Variants in CA10 observed in about 807,000 individuals in gnomAD.
CA10 encodes the protein carbonic anhydrase 10 (inactive).
CA10 carries 14 observed loss-of-function variants against 44.2 expected under a neutral mutation model. The ratio of observed to expected loss-of-function variants is 0.32; its 90% CI spans 0.21 to 0.50. The LOEUF is 0.50. Ranked by LOEUF, CA10 falls within the 20% of genes least tolerant of loss-of-function variation. The pLI is 0.99. For missense variants in CA10, 350 were observed against 409.7 expected, an observed-to-expected ratio of 0.85 and a Z score of 1.26; for synonymous variants, 159 against 141.6, an observed-to-expected ratio of 1.12 and a Z score of -0.87.
rs796291119 is a variant in CA10, at chr17:51,710,852, T to G, written c.465+36781A>C. 8.6e-5 allele frequency among the ~76,000 whole-genome samples: 13 copies of G among 151,236 alleles called. 2 individuals carry two copies. The highest frequency in any genetic ancestry group is 3.2e-4 in the African/African-American group (13 of 41,252). On this transcript the variant is annotated intron_variant, in intron 4 of 8. Transcript: ENST00000451037. ...ACAAATTGGCTCTCTTCTGGCCTCC[T>G]GAAGTTCATGCAATCATGGGACCAA...
intron 1 of CA10, among the ~76,000 whole-genome samples, chr17:52,086,187 A>G (rs1202180345): frequency 6.6e-6 from 1 of 152,242 alleles, no homozygotes; most frequent in African/African-American, 2.4e-5. Flanking sequence ...TGTATGCAAT[A>G]TACAAATTAA....
intron 2 of CA10, among the ~76,000 whole-genome samples, chr17:51,998,294 A>G (rs1985306124): frequency 6.6e-6 from 1 of 152,128 alleles, no homozygotes; most frequent in Non-Finnish European, 1.5e-5. Flanking sequence ...TTTGTGCTTA[A>G]TTACACATTC....
At chr17:51,754,289 T>C (rs1222862059) in intron 3 of CA10, among the ~76,000 whole-genome samples, 1 of 13,244 alleles carries the variant, frequency 7.6e-5, no homozygotes, top group Non-Finnish European at 1.7e-4. Flanking sequence ...CAGAATAGTG[T>C]GTGTGTGTGT....
rs532165308 is a variant in CA10 at position 51,857,621 on chromosome 17, A to G, written c.279+73369T>C. ...GCTTCATGCATCAACTTACTATCGC[A>G]ACAAACTATTAGCAAAAAACTATTA... On this transcript the variant is annotated intron_variant, in intron 3 of 8. Transcript: ENST00000451037. 2.6e-5 allele frequency among the ~76,000 whole-genome samples: 4 copies of G among 152,274 alleles called. No individual in the cohort carries two copies. In the South Asian group the frequency reaches 8.3e-4, roughly 32 times the overall value.
intron 3 of CA10, among the ~76,000 whole-genome samples, chr17:51,795,887 C>T (rs1412357680): frequency 6.6e-6 from 1 of 152,104 alleles, no homozygotes; most frequent in Non-Finnish European, 1.5e-5. Context: ...CCCTGCTTTC[C>T]AAAAATAGAT....
chr17:51,994,715 T>A (rs1162539029), intron 2 of CA10, among the ~76,000 whole-genome samples: 2 of 152,092 alleles, frequency 1.3e-5, no homozygotes, highest in Non-Finnish European at 2.9e-5. Flanking sequence ...AATACTCTTG[T>A]CAGCTTGCCC....
At chr17:51,867,080 T>TA (rs757495783) in intron 3 of CA10, among the ~76,000 whole-genome samples, 196 of 147,204 alleles carry the variant, frequency 1.3e-3, no homozygotes, top group African/African-American at 4.1e-3. Context: ...CCTGTGCTAT[T>TA]AAAAAAAAAA....
intron 1 of CA10, among the ~76,000 whole-genome samples, chr17:52,106,049 C>T (rs1260331809): frequency 1.3e-5 from 2 of 152,140 alleles, no homozygotes; most frequent in Non-Finnish European, 1.5e-5. Flanking sequence ...AAGAAAATAC[C>T]CAGCTTGGCT....
At chr17:51,886,662 G>A (rs958458680) in intron 3 of CA10, among the ~76,000 whole-genome samples, 1 of 152,160 alleles carries the variant, frequency 6.6e-6, no homozygotes, top group African/African-American at 2.4e-5. Flanking sequence ...ATTATTTTTG[G>A]GTGTCTGTGT....
At chr17:51,802,458 GAA>G (rs374049465) in intron 3 of CA10, among the ~76,000 whole-genome samples, 84 of 148,768 alleles carry the variant, frequency 5.6e-4, no homozygotes, top group African/African-American at 2.0e-3. Flanking sequence ...ATCTGTAGAA[GAA>G]AGACACTTTT....
At chr17:51,820,981 G>A (rs1907758895) in intron 3 of CA10, among the ~76,000 whole-genome samples, 1 of 150,610 alleles carries the variant, frequency 6.6e-6, no homozygotes, top group Non-Finnish European at 1.5e-5. Context: ...AGCTGTAGCT[G>A]ATTAATTTCT....
chr17:51,938,095 C>T (rs933536275), intron 2 of CA10, among the ~76,000 whole-genome samples: 3 of 152,160 alleles, frequency 2.0e-5, no homozygotes, highest in African/African-American at 7.2e-5. Context: ...AGTACCATGT[C>T]CTTACCACAG....
intron 3 of CA10, among the ~76,000 whole-genome samples, chr17:51,842,600 A>C (rs1978334599): frequency 6.6e-6 from 1 of 152,200 alleles, no homozygotes; most frequent in Non-Finnish European, 1.5e-5. Flanking sequence ...CTTGTTGGAA[A>C]CATATCCTTG....
chr17:51,907,616 A>G (rs192229586), intron 3 of CA10, among the ~76,000 whole-genome samples: 7 of 152,190 alleles, frequency 4.6e-5, no homozygotes, highest in Non-Finnish European at 7.4e-5. Flanking sequence ...TTAGCTGATA[A>G]GAGCCCCTGT....
chr17:51,937,408 T>C (rs1011959216), intron 2 of CA10, among the ~76,000 whole-genome samples: 3 of 152,110 alleles, frequency 2.0e-5, no homozygotes, highest in African/African-American at 7.2e-5. Context: ...ATTTATTTCA[T>C]AGATGGAATT....
chr17:51,721,775 G>A (rs759990014), intron 4 of CA10, among the ~76,000 whole-genome samples: 6 of 152,080 alleles, frequency 3.9e-5, no homozygotes, highest in Admixed American at 1.3e-4. Flanking sequence ...GTGCTGAGAC[G>A]GTGGTGCACC....
chr17:52,019,935 T>C (rs1166331394), intron 2 of CA10, among the ~76,000 whole-genome samples: 1 of 151,930 alleles, frequency 6.6e-6, no homozygotes, highest in East Asian at 1.9e-4. Flanking sequence ...TATGTATATA[T>C]ACAATCTGCT....
chr17:51,714,880 T>C (rs926767075), intron 4 of CA10, among the ~76,000 whole-genome samples: 1 of 152,242 alleles, frequency 6.6e-6, no homozygotes, highest in African/African-American at 2.4e-5. Flanking sequence ...GGGTGCTCAT[T>C]ATTCAGAGAA....
intron 3 of CA10, among the ~76,000 whole-genome samples, chr17:51,818,796 G>A (rs1907662992): frequency 6.6e-6 from 1 of 152,214 alleles, no homozygotes; most frequent in Non-Finnish European, 1.5e-5. Context: ...CCCTCCTGCA[G>A]ATTCTTAGCT....
Sources: allele counts gnomAD v4.1 joint callset (sites outside exome capture counted in the v4.1 genomes callset), GRCh38; gene constraint gnomAD v4.1.1; transcripts MANE v1.5; gene names NCBI Gene and HGNC (gene_info 2026-07-23, HGNC 2026-07-21).